PIK3C2B: variants seen among roughly 807,000 people sequenced by gnomAD.
The protein encoded by PIK3C2B is phosphatidylinositol 4-phosphate 3-kinase C2 domain-containing subunit beta.
PIK3C2B carries 83 observed loss-of-function variants against 184.3 expected under a neutral mutation model. The ratio of observed to expected loss-of-function variants is 0.45; its 90% CI spans 0.38 to 0.54. The LOEUF is 0.54. Ranked by LOEUF, PIK3C2B falls within the 20% of genes least tolerant of loss-of-function variation. The pLI, the probability that PIK3C2B is intolerant of heterozygous loss-of-function variation, is 0.00. For synonymous variants in PIK3C2B, 779 were observed against 837.6 expected, an observed-to-expected ratio of 0.93 and a Z score of 1.21; for missense variants, 1,736 against 2,113.5, an observed-to-expected ratio of 0.82 and a Z score of 3.50.
At chr1:204,476,774 T>G (rs548952550) in intron 1 of PIK3C2B, among the ~76,000 whole-genome samples, 1 of 152,344 alleles carries the variant, frequency 6.6e-6, no homozygotes, top group African/African-American at 2.4e-5. Context: ...TTGTATTCTA[T>G]GTGAATGATA....
intron 16 of PIK3C2B, among the ~76,000 whole-genome samples, chr1:204,445,162 G>C (rs1477240548): frequency 6.6e-6 from 1 of 151,002 alleles, no homozygotes; most frequent in African/African-American, 2.4e-5. Flanking sequence ...CCAATGTACA[G>C]GTAAACTTTG....
rs1299839519 is a variant in PIK3C2B, at chr1:204,442,547, C to T, written c.3135G>A (p.Leu1045=). The change falls in exon 20 of 33, where the codon CTG becomes CTA. Residue 1045 remains leucine (L), a synonymous_variant. Transcript: ENST00000684373. ...TCACCCTGGGCACAATTCCCTTAACCAGCAGACTGGGGCTGAGTGGCAAGC... is the reference window on the plus strand; with the variant it reads ...TCACCCTGGGCACAATTCCCTTAACTAGCAGACTGGGGCTGAGTGGCAAGC... ...SCRLPLSPSL[L]VKGIVPRDCS... The T allele has an allele frequency of 6.4e-6, 10 of 1,554,502 alleles. No individual in the cohort carries two copies. The highest frequency in any genetic ancestry group is 8.7e-6 in the Non-Finnish European group (10 of 1,148,478).
intron 15 of PIK3C2B, among the ~76,000 whole-genome samples, 162 bp from the exon 16 acceptor site, chr1:204,446,306 T>C (rs896616316): frequency 6.6e-6 from 1 of 152,192 alleles, no homozygotes; most frequent in Non-Finnish European, 1.5e-5. Flanking sequence ...CTTGAGGGGC[T>C]GAGTGAACCC....
chr1:204,441,657 C>T (rs1256411876), intron 20 of PIK3C2B, 94 bp from the exon 21 acceptor site: 4 of 717,734 alleles, frequency 5.6e-6, no homozygotes, highest in African/African-American at 3.5e-5. Flanking sequence ...GCTGCCTCCC[C>T]GCTGCTGCCG....
intron 1 of PIK3C2B, among the ~76,000 whole-genome samples, chr1:204,490,950 C>T (rs952675000): frequency 6.6e-6 from 1 of 152,200 alleles, no homozygotes; most frequent in Non-Finnish European, 1.5e-5. Flanking sequence ...GATTATCCCA[C>T]ATCTCTTCCT....
In PIK3C2B at chr1:204,481,380, C is replaced by A. The variant is rs1420188496; in HGVS notation, c.-84-11494G>T. ...CCTCCCAGGTTGAAGCAATTCTCTG[C>A]CTCAGCTTCCTGAACCACAGGCACC... On this transcript the variant is annotated intron_variant, in intron 1 of 32. Coordinates refer to ENST00000684373, the MANE Select transcript of PIK3C2B (RefSeq NM_001377334.1). Among the ~76,000 whole-genome samples, 5 of 150,482 alleles carry A rather than the reference C, an allele frequency of 3.3e-5. No homozygotes were observed. In the Admixed American group the frequency reaches 3.3e-4, roughly 10 times the overall value.
At chr1:204,445,893 G>A in intron 16 of PIK3C2B, 63 bp downstream of exon 16, 1 of 1,124,094 alleles carries the variant, frequency 8.9e-7, no homozygotes, top group East Asian at 2.7e-5. Context: ...TCACTGATGG[G>A]CAGTGTCGTG....
chr1:204,464,237 C>T, intron 4 of PIK3C2B, 105 bp from the exon 5 acceptor site: 1 of 1,338,646 alleles, frequency 7.5e-7, no homozygotes, highest in Non-Finnish European at 1.0e-6. Context: ...TCTCCAGCAC[C>T]ATCACCAACC....
At chr1:204,486,951 G>A (rs1657647688) in intron 1 of PIK3C2B, among the ~76,000 whole-genome samples, 1 of 152,168 alleles carries the variant, frequency 6.6e-6, no homozygotes, top group African/African-American at 2.4e-5. Flanking sequence ...GGGATTACAG[G>A]CACATGCCAC....
At chr1:204,469,955 A>G in intron 1 of PIK3C2B, 69 bp from the exon 2 acceptor site, 1 of 603,954 alleles carries the variant, frequency 1.7e-6, no homozygotes, top group Non-Finnish European at 3.0e-6. Flanking sequence ...TAATAATCCA[A>G]TTTAGGTGAT....
At chr1:204,467,833 C>CAAAAAA (rs545904416) in intron 2 of PIK3C2B, among the ~76,000 whole-genome samples, 5,642 of 88,508 alleles carry the variant, frequency 0.064, 1,074 homozygotes, top group African/African-American at 0.2. Flanking sequence ...GACTCTGTCT[C>CAAAAAA]AAAAAAAAAA....
Position 204,493,524 on chromosome 1 carries a change from AACACACACAC to A in PIK3C2B, c.-85+822_-85+831del, listed in dbSNP as rs3038310. On this transcript the variant is annotated intron_variant, in intron 1 of 32. Transcript: ENST00000684373. ...TGAAGGAGCAAGAGCAATGGCAGAA[AACACACACAC>A]ACACACACACACACACACACTTCAA... 7.5e-3 allele frequency among the ~76,000 whole-genome samples: 1,079 copies of A among 143,994 alleles called. 13 individuals carry two copies. The highest frequency in any genetic ancestry group is 0.026 in the African/African-American group (991 of 38,574). The allele number at this position is 143,994 out of a possible 152,430, so 94.5% of individuals were successfully genotyped here.
intron 1 of PIK3C2B, among the ~76,000 whole-genome samples, chr1:204,491,388 C>CAAA (rs34371258): frequency 7.9e-6 from 1 of 127,164 alleles, no homozygotes; most frequent in Non-Finnish European, 1.6e-5. Context: ...GACTCTGTCT[C>CAAA]AAAAAAAAAA....
rs1656417922 is a variant in PIK3C2B at position 204,472,990 on chromosome 1, A to C, written c.-84-3104T>G. Among the ~76,000 whole-genome samples, 3 of 152,336 alleles carry C rather than the reference A, an allele frequency of 2.0e-5. No individual in the cohort carries two copies. In the South Asian group the frequency reaches 6.2e-4, roughly 32 times the overall value. The stretch of plus-strand genomic sequence containing the variant: ...TTCTGACTCTTAGCATCAGCAGCCA[A>C]GAGGTTGACAGTTTCATAAAAATTA... On this transcript the variant is annotated intron_variant, in intron 1 of 32. Coordinates refer to ENST00000684373, the MANE Select transcript of PIK3C2B (RefSeq NM_001377334.1).
chr1:204,433,352 T>A lies in PIK3C2B; in HGVS notation c.3917A>T (p.Gln1306Leu). Residue 1306 changes from glutamine (Q) to leucine (L), a missense_variant, in exon 26 of 33, where the codon CAG becomes CTG. Around this residue, in one of 8 missense-constraint regions of PIK3C2B, gnomAD observed 119 missense variants for 179.3 expected, o/e 0.66. Transcript: ENST00000684373. The surrounding 1 kb of genome is among the most constrained non-coding windows in gnomAD (Gnocchi z 5.0). ...LKYVYDALRP[Q>L]DTEANATTYF... ...GGTAGTGGCATTGGCCTCTGTATCC[T>A]GAGGCCTCAGGGCATCGTACACATA... is the stretch of plus-strand genomic sequence containing the variant. 9 of 1,607,782 alleles carry A rather than the reference T, an allele frequency of 5.6e-6. No individual in the cohort carries two copies. The highest frequency in any genetic ancestry group is 6.8e-6 in the Non-Finnish European group (8 of 1,174,150).
intron 23 of PIK3C2B, chr1:204,435,549 A>G (rs766997688): frequency 6.6e-6 from 1 of 151,946 alleles, no homozygotes; most frequent in Non-Finnish European, 1.5e-5. Context: ...ATTTCCACCC[A>G]TCATCCTTCA....
rs555523732 is a variant in PIK3C2B at position 204,467,615 on chromosome 1, A to T, written c.933+1255T>A. ...TTTGGGAGGCCAAAGTGGACAGATC[A>T]CCTGAGGTCAGGAGTTCAAGACCAG... On this transcript the variant is annotated intron_variant, in intron 2 of 32. Transcript: ENST00000684373. Among the ~76,000 whole-genome samples, 18 of 152,228 alleles carry T rather than the reference A, an allele frequency of 1.2e-4. No homozygotes were observed. The East Asian group carries it at 3.5e-3, about 29-fold the overall frequency.
At chr1:204,441,943 C>G (rs1675686907) in intron 20 of PIK3C2B, among the ~76,000 whole-genome samples, 1 of 152,132 alleles carries the variant, frequency 6.6e-6, no homozygotes, top group African/African-American at 2.4e-5. Flanking sequence ...AATGCCATAA[C>G]CAACATTAAG....
chr1:204,428,844 T>G (rs1674885085), intron 29 of PIK3C2B: 1 of 436,216 alleles, frequency 2.3e-6, no homozygotes, highest in African/African-American at 2.1e-5. Flanking sequence ...AAATGTTAAG[T>G]GTTTAGGTGA....
Sources: allele counts gnomAD v4.1 joint callset (sites outside exome capture counted in the v4.1 genomes callset), GRCh38; gene constraint gnomAD v4.1.1; regional missense constraint gnomAD v4.1.1; non-coding constraint Gnocchi (gnomAD v3.1); transcripts MANE v1.5; gene names NCBI Gene and HGNC (gene_info 2026-07-23, HGNC 2026-07-21).